NRXN3: variants seen among roughly 807,000 people sequenced by gnomAD.
NRXN3 encodes neurexin III.
A neutral mutation model predicts 137.6 loss-of-function variants in NRXN3; 32 were observed. The ratio of observed to expected loss-of-function variants is 0.23; its 90% CI spans 0.18 to 0.31. The LOEUF is 0.31. Ranked by LOEUF, NRXN3 falls within the 10% of genes least tolerant of loss-of-function variation. The pLI is 1.00. For missense variants in NRXN3, 1,574 were observed against 2,062.5 expected (o/e 0.76, Z 4.59); for synonymous variants, 798 against 784.5 (o/e 1.02, Z -0.29).
At chr14:79,595,194 T>G (rs2097848142) in intron 16 of NRXN3, among the ~76,000 whole-genome samples, 1 of 152,202 alleles carries the variant, frequency 6.6e-6, no homozygotes. Context: ...CAGTCAGTTC[T>G]ATGAGAATGG....
chr14:79,110,547 A>G (rs1001126150), intron 15 of NRXN3, among the ~76,000 whole-genome samples: 1 of 152,208 alleles, frequency 6.6e-6, no homozygotes, highest in African/African-American at 2.4e-5. Context: ...TAGAAACTTA[A>G]TAAATACTTG....
chr14:78,715,069 C>T lies in NRXN3; in HGVS notation c.1974C>T (p.Cys658=). Residue 658 remains cysteine (C), a synonymous_variant, in exon 8 of 21, where the codon TGC becomes TGT. Transcript: ENST00000335750. ...DSYPCKNNAV[C]KDGWNRFICD... is the part of the protein sequence containing the mutation. ...ACCCCTGCAAGAATAATGCTGTGTG[C>T]AAGGACGGCTGGAACCGCTTCATCT... is the stretch of plus-strand genomic sequence containing the variant. 6.2e-7 allele frequency: 1 copy of T among 1,613,572 alleles called. No individual in the cohort carries two copies. Among genetic ancestry groups the T allele is most frequent in the South Asian group, 1.1e-5 (1 of 91,078 alleles).
At chr14:79,795,904 G>A (rs745483726) in intron 19 of NRXN3, among the ~76,000 whole-genome samples, 17 of 152,080 alleles carry the variant, frequency 1.1e-4, no homozygotes, top group Non-Finnish European at 1.6e-4. Context: ...CTCTTTCTTA[G>A]AGGGAAGGCA....
intron 8 of NRXN3, among the ~76,000 whole-genome samples, chr14:78,733,172 G>C (rs1348353315): frequency 6.6e-6 from 1 of 152,048 alleles, no homozygotes; most frequent in East Asian, 1.9e-4. Flanking sequence ...TACTGAATTA[G>C]ACACCAAGCT....
intron 4 of NRXN3, among the ~76,000 whole-genome samples, chr14:78,494,885 T>A: frequency 7.7e-6 from 1 of 129,800 alleles, no homozygotes; most frequent in African/African-American, 2.6e-5. Flanking sequence ...CAGAGTGAGG[T>A]GTGTTTTTAC....
intron 15 of NRXN3, among the ~76,000 whole-genome samples, chr14:79,180,249 C>G (rs562126661): frequency 6.6e-6 from 1 of 152,204 alleles, no homozygotes; most frequent in South Asian, 2.1e-4. Flanking sequence ...GTTGCCATAG[C>G]AATGAAAGAA....
At chr14:79,126,643 A>G (rs1310082481) in intron 15 of NRXN3, among the ~76,000 whole-genome samples, 1 of 152,028 alleles carries the variant, frequency 6.6e-6, no homozygotes, top group Non-Finnish European at 1.5e-5. Flanking sequence ...ATACGTGTGC[A>G]TGTGTCTTTA....
At chr14:79,273,494 C>T (rs1044376288) in intron 15 of NRXN3, among the ~76,000 whole-genome samples, 2 of 151,630 alleles carry the variant, frequency 1.3e-5, no homozygotes, top group East Asian at 2.0e-4. Context: ...ATTAGCCAGG[C>T]GTGGTGGTGG....
intron 4 of NRXN3, among the ~76,000 whole-genome samples, chr14:78,631,866 C>CAGGATCAGG (rs529717420): frequency 1.3e-5 from 2 of 151,792 alleles, no homozygotes; most frequent in Admixed American, 6.6e-5. Context: ...GCTGAGGCGG[C>CAGGATCAGG]AGGATCAGGA....
chr14:78,616,380 G>T (rs1431288679), intron 4 of NRXN3, among the ~76,000 whole-genome samples: 1 of 152,062 alleles, frequency 6.6e-6, no homozygotes, highest in Non-Finnish European at 1.5e-5. Flanking sequence ...AGGCTAACTC[G>T]TACTCATTTG....
intron 4 of NRXN3, among the ~76,000 whole-genome samples, chr14:78,523,643 C>CAAAAAAAAAAAAA (rs3036598): frequency 2.6e-5 from 2 of 77,714 alleles, no homozygotes; most frequent in African/African-American, 5.4e-5. Context: ...ACTACAAATA[C>CAAAAAAAAAAAAA]AAAAAAAAAA....
rs142621254 is a variant in NRXN3 at position 79,786,245 on chromosome 14, C to A, written c.4015-18867C>A. Among the ~76,000 whole-genome samples the A allele has an allele frequency of 1.3e-3, 192 of 152,276 alleles. 1 individual carries two copies. The highest frequency in any genetic ancestry group is 4.3e-3 in the African/African-American group (180 of 41,558). The stretch of plus-strand genomic sequence containing the variant: ...GCACAGCAGGGAAGAAACCAGGGAT[C>A]TGAATAAGTACTAGGGATCCTTGCT... On this transcript the variant is annotated intron_variant, in intron 19 of 20. Coordinates refer to ENST00000335750, the MANE Select transcript of NRXN3 (RefSeq NM_001330195.2).
intron 7 of NRXN3, among the ~76,000 whole-genome samples, chr14:78,713,918 A>G (rs2098420265): frequency 6.6e-6 from 1 of 152,236 alleles, no homozygotes; most frequent in African/African-American, 2.4e-5. Flanking sequence ...ATTCAAGATA[A>G]GATTTGGGTG....
chr14:79,362,201 C>T (rs1183106391), intron 15 of NRXN3, among the ~76,000 whole-genome samples: 3 of 151,232 alleles, frequency 2.0e-5, no homozygotes, highest in Non-Finnish European at 2.9e-5. Context: ...GCACAACGTG[C>T]AGGATTGTTA....
intron 16 of NRXN3, chr14:79,572,748 T>C (rs2097620145): frequency 6.6e-6 from 1 of 152,192 alleles, no homozygotes; most frequent in South Asian, 2.1e-4. Context: ...AAGGATAATA[T>C]GTAATGGATG....
At chr14:79,591,361 T>C (rs774545591) in intron 16 of NRXN3, among the ~76,000 whole-genome samples, 3 of 152,198 alleles carry the variant, frequency 2.0e-5, no homozygotes, top group Non-Finnish European at 4.4e-5. Context: ...CATTTTATCC[T>C]TGTCAATAAG....
chr14:79,028,139 A>G (rs1363082794), intron 15 of NRXN3, among the ~76,000 whole-genome samples: 1 of 152,174 alleles, frequency 6.6e-6, no homozygotes, highest in Non-Finnish European at 1.5e-5. Context: ...ATGTTGAGGT[A>G]TGCTGAAAGT....
intron 1 of NRXN3, among the ~76,000 whole-genome samples, chr14:78,204,343 T>C (rs560831958): frequency 6.6e-6 from 1 of 152,220 alleles, no homozygotes; most frequent in Admixed American, 6.5e-5. Context: ...GGAAAAAATA[T>C]GTTTGCCACC....
In NRXN3 at chr14:79,310,997, T is replaced by A. The variant is rs144824761; in HGVS notation, c.3263-156224T>A. ...TGAATAGGAGCGGTGACAGAGGGCA[T>A]CCCTGTCTTGTACCAGTTTTCAAAG... is the stretch of plus-strand genomic sequence containing the variant. On this transcript the variant is annotated intron_variant, in intron 15 of 20. Transcript: ENST00000335750. Among the ~76,000 whole-genome samples the A allele has an allele frequency of 2.7e-3, 352 of 129,616 alleles. 22 individuals carry two copies. Among genetic ancestry groups the A allele is most frequent in the African/African-American group, 0.012 (336 of 28,678 alleles). 85.0% of individuals were successfully genotyped at this position (129,616 alleles called of 152,430 possible). A position where few individuals can be genotyped will look rare whatever the true frequency, so the allele number is the denominator to read the frequency against.
Sources: allele counts gnomAD v4.1 joint callset (sites outside exome capture counted in the v4.1 genomes callset), GRCh38; gene constraint gnomAD v4.1.1; transcripts MANE v1.5; gene names NCBI Gene and HGNC (gene_info 2026-07-23, HGNC 2026-07-21).